The following WWOX variants were observed in gnomAD, a reference collection of about 807,000 sequenced individuals.
WWOX encodes WW domain containing oxidoreductase.
In WWOX, 69 loss-of-function variants were observed where a neutral mutation model predicts 46.2. The ratio of observed to expected loss-of-function variants is 1.49; its 90% CI spans 1.23 to 1.82. WWOX has a LOEUF of 1.82. WWOX is among the 40% of genes most tolerant of loss of function. The probability of loss-of-function intolerance (pLI) is 0.00; values close to 1 mark genes in which losing one functional copy is unlikely to be tolerated. For synonymous variants in WWOX, 359 were observed against 202.6 expected, an observed-to-expected ratio of 1.77 and a Z score of -6.56; for missense variants, 919 against 542.6, an observed-to-expected ratio of 1.69 and a Z score of -6.89.
intron 8 of WWOX, chr16:78,895,536 T>A (rs1218316545): frequency 6.6e-6 from 1 of 152,200 alleles, no homozygotes; most frequent in African/African-American, 2.4e-5. Context: ...TGTTGTCAAA[T>A]TTACACTGTC....
intron 8 of WWOX, among the ~76,000 whole-genome samples, chr16:78,459,383 G>C (rs1241556858): frequency 6.6e-6 from 1 of 152,156 alleles, no homozygotes; most frequent in Non-Finnish European, 1.5e-5. Context: ...GGATATTTCC[G>C]AGTGGCCTAC....
intron 8 of WWOX, among the ~76,000 whole-genome samples, chr16:78,683,327 C>T (rs1452592231): frequency 7.0e-6 from 1 of 143,622 alleles, no homozygotes; most frequent in Non-Finnish European, 1.6e-5. Flanking sequence ...TGCCTGAGCT[C>T]AGGAGTTGGA....
rs530301482 is a variant in WWOX, at chr16:78,605,356, G to C, written c.1056+172604G>C. ...AATATTTAGTGATTTGACTTCTTAA[G>C]TCCTTAAAAAAAAAAAAATCCAGGT... On this transcript the variant is annotated intron_variant, in intron 8 of 8. Transcript: ENST00000566780. Among the ~76,000 whole-genome samples the C allele has an allele frequency of 1.6e-4, 24 of 150,204 alleles. No individual in the cohort carries two copies. In the East Asian group the frequency reaches 4.1e-3, roughly 26 times the overall value.
chr16:78,826,653 C>G (rs1219511761), intron 8 of WWOX, among the ~76,000 whole-genome samples: 1 of 152,166 alleles, frequency 6.6e-6, no homozygotes, highest in Middle Eastern at 3.2e-3. Flanking sequence ...ATGTCAAGAT[C>G]CGTAACTTAA....
At chr16:78,835,486 A>C (rs2051953335) in intron 8 of WWOX, among the ~76,000 whole-genome samples, 1 of 152,224 alleles carries the variant, frequency 6.6e-6, no homozygotes. Context: ...TGTTGAAGAA[A>C]GAGAAGGTGG....
chr16:78,292,694 C>G (rs908155617), intron 5 of WWOX, among the ~76,000 whole-genome samples: 1 of 152,062 alleles, frequency 6.6e-6, no homozygotes, highest in African/African-American at 2.4e-5. Context: ...TCTGGCACTG[C>G]TAAATAAGGC....
chr16:78,750,387 G>A (rs900212395), intron 8 of WWOX, among the ~76,000 whole-genome samples: 1 of 152,182 alleles, frequency 6.6e-6, no homozygotes, highest in South Asian at 2.1e-4. Flanking sequence ...ATTTCCATTA[G>A]GATCAGGAAG....
chr16:78,150,016 A>C (rs2034343737), intron 4 of WWOX, among the ~76,000 whole-genome samples: 2 of 152,198 alleles, frequency 1.3e-5, no homozygotes, highest in African/African-American at 4.8e-5. Context: ...ACCCAGAGTC[A>C]GCACAGACCC....
chr16:78,810,728 C>G lies in WWOX; in HGVS notation c.1056+377976C>G, dbSNP rs542456421. ...GGGTGGAAGAAGGTGGGAATATAAA[C>G]TAGATTTGCTCCCTTCTGTAGGAAT... On this transcript the variant is annotated intron_variant, in intron 8 of 8. Coordinates refer to ENST00000566780, the MANE Select transcript of WWOX (RefSeq NM_016373.4). Among the ~76,000 whole-genome samples the G allele has an allele frequency of 3.9e-5, 6 of 152,270 alleles. No homozygotes were observed. The East Asian group carries it at 7.7e-4, about 20-fold the overall frequency.
chr16:78,202,428 C>G (rs983975921), intron 5 of WWOX, among the ~76,000 whole-genome samples: 4 of 152,182 alleles, frequency 2.6e-5, no homozygotes, highest in Non-Finnish European at 4.4e-5. Context: ...CCATTTTAAG[C>G]CTTAGGTTGT....
chr16:78,243,400 G>A (rs1165995400), intron 5 of WWOX, among the ~76,000 whole-genome samples: 1 of 151,968 alleles, frequency 6.6e-6, no homozygotes, highest in African/African-American at 2.4e-5. Flanking sequence ...TACTCGTGCA[G>A]GGCTGTTAAA....
At position 78,939,728 on chromosome 16, in the gene WWOX, A is replaced by G. The variant is rs1271200833; in HGVS notation, c.1057-271880A>G. On this transcript the variant is annotated intron_variant, in intron 8 of 8. Transcript: ENST00000566780. ...TAGGTACCCAAGTCTACTGGGAAAAATCCCCATTTCTGGGTAACCCAGCCC... is the reference window on the plus strand; with the variant it reads ...TAGGTACCCAAGTCTACTGGGAAAAGTCCCCATTTCTGGGTAACCCAGCCC... Among the ~76,000 whole-genome samples the G allele has an allele frequency of 2.0e-5, 3 of 152,194 alleles. No homozygotes were observed. In the East Asian group the frequency reaches 5.8e-4, roughly 29 times the overall value.
intron 8 of WWOX, among the ~76,000 whole-genome samples, chr16:78,586,606 C>G (rs996959696): frequency 6.6e-6 from 1 of 152,158 alleles, no homozygotes; most frequent in African/African-American, 2.4e-5. Flanking sequence ...GAAACTTGCT[C>G]AATGTAACCA....
At chr16:78,497,637 T>C (rs1310810012) in intron 8 of WWOX, among the ~76,000 whole-genome samples, 1 of 152,092 alleles carries the variant, frequency 6.6e-6, no homozygotes, top group Non-Finnish European at 1.5e-5. Flanking sequence ...AAAATGGCCC[T>C]TCCAACATCT....
intron 5 of WWOX, among the ~76,000 whole-genome samples, chr16:78,259,302 A>C (rs985510077): frequency 6.6e-6 from 1 of 152,172 alleles, no homozygotes; most frequent in African/African-American, 2.4e-5. Flanking sequence ...ACAATTTAGA[A>C]GAGAGACTGT....
At chr16:78,841,392 A>G (rs978476401) in intron 8 of WWOX, among the ~76,000 whole-genome samples, 1 of 152,232 alleles carries the variant, frequency 6.6e-6, no homozygotes, top group African/African-American at 2.4e-5. Context: ...TCATGAGAGC[A>G]GATTTTGCCT....
At chr16:79,091,779 G>GTTTTTTTTT (rs11329411) in intron 8 of WWOX, among the ~76,000 whole-genome samples, 2 of 109,128 alleles carry the variant, frequency 1.8e-5, no homozygotes, top group African/African-American at 3.7e-5. Context: ...TCTTTTCTTT[G>GTTTTTTTTT]TTTTTTTTTT....
At chr16:79,160,385 C>T (rs1017647753) in intron 8 of WWOX, among the ~76,000 whole-genome samples, 5 of 152,148 alleles carry the variant, frequency 3.3e-5, no homozygotes, top group Admixed American at 2.0e-4. Flanking sequence ...CCTACTGTCA[C>T]CTGCATTCCC....
chr16:79,208,351 C>G (rs80016294), intron 8 of WWOX, among the ~76,000 whole-genome samples: 220 of 150,862 alleles, frequency 1.5e-3, no homozygotes, highest in African/African-American at 4.8e-3. Context: ...CCATATACAA[C>G]CTACAGGCTT....
Sources: allele counts gnomAD v4.1 joint callset (sites outside exome capture counted in the v4.1 genomes callset), GRCh38; gene constraint gnomAD v4.1.1; transcripts MANE v1.5; gene names NCBI Gene and HGNC (gene_info 2026-07-23, HGNC 2026-07-21).